Variants in ZC3H14 observed in about 807,000 individuals in gnomAD.
ZC3H14 encodes zinc finger CCCH domain-containing protein 14.
Under a neutral mutation model 92.4 loss-of-function variants are expected in ZC3H14, and 31 were observed. That is an observed-to-expected ratio of 0.34 (90% CI 0.25 to 0.45). ZC3H14 has a LOEUF of 0.45. Among genes scored for constraint, ZC3H14 ranks in the 20% least tolerant of loss-of-function variants. The pLI, the probability that ZC3H14 is intolerant of heterozygous loss-of-function variation, is 1.00. For synonymous variants in ZC3H14, 321 were observed against 300.9 expected, an observed-to-expected ratio of 1.07 and a Z score of -0.69; for missense variants, 781 against 897.3, an observed-to-expected ratio of 0.87 and a Z score of 1.66.
chr14:88,585,630 T>C (rs1352209634), intron 9 of ZC3H14, among the ~76,000 whole-genome samples: 1 of 152,124 alleles, frequency 6.6e-6, no homozygotes, highest in East Asian at 1.9e-4. Context: ...GACCTTGTTA[T>C]CTGCCCGCTT....
intron 9 of ZC3H14, among the ~76,000 whole-genome samples, chr14:88,581,630 A>G (rs1157334661): frequency 6.6e-6 from 1 of 152,204 alleles, no homozygotes; most frequent in Non-Finnish European, 1.5e-5. Flanking sequence ...GGTCTGGGGC[A>G]GGAAATGTTA....
rs1371565375 is a variant in ZC3H14, at chr14:88,622,845, C to G, written c.*11094C>G. 11 of 544,622 alleles carry G rather than the reference C, an allele frequency of 2.0e-5. No individual in the cohort carries two copies. Among genetic ancestry groups the G allele is most frequent in the Non-Finnish European group, 3.3e-5 (11 of 328,696 alleles). The allele number at this position is 544,622 out of a possible 1,614,324, so 33.7% of individuals were successfully genotyped here. A position where few individuals can be genotyped will look rare whatever the true frequency, so the allele number is the denominator to read the frequency against. ...AGGCCCTGATATTTATAATTTACCTCTAATATTCTTGTAAACTTTCTATGG... is the reference window on the plus strand; with the variant it reads ...AGGCCCTGATATTTATAATTTACCTGTAATATTCTTGTAAACTTTCTATGG... On this transcript the variant is annotated 3_prime_UTR_variant, in exon 17 of 17. Transcript: ENST00000251038.
At chr14:88,605,913 G>A (rs2140101065) in intron 12 of ZC3H14, among the ~76,000 whole-genome samples, 1 of 152,216 alleles carries the variant, frequency 6.6e-6, no homozygotes, top group African/African-American at 2.4e-5. Flanking sequence ...GTATAGATGA[G>A]GAAACAGAAT....
At chr14:88,577,219 C>T (rs967849394) in intron 8 of ZC3H14, among the ~76,000 whole-genome samples, 1 of 152,318 alleles carries the variant, frequency 6.6e-6, no homozygotes, top group African/African-American at 2.4e-5. Context: ...AAGGCGCACT[C>T]TTGACCTAAT....
intron 7 of ZC3H14, 125 bp downstream of exon 7, chr14:88,574,978 C>A: frequency 6.9e-7 from 1 of 1,455,670 alleles, no homozygotes; most frequent in Non-Finnish European, 9.3e-7. Flanking sequence ...GCTCTGTCAA[C>A]CAGGCTGGAG....
At chr14:88,609,143 G>A in intron 13 of ZC3H14, 124 bp from the exon 14 acceptor site, 1 of 1,139,028 alleles carries the variant, frequency 8.8e-7, no homozygotes, top group Non-Finnish European at 1.3e-6. Context: ...TATTCTTTTT[G>A]TTGCTGTTTT....
chr14:88,563,500 G>A (rs1011766979), intron 1 of ZC3H14, 151 bp from the exon 2 acceptor site: 2 of 1,506,664 alleles, frequency 1.3e-6, no homozygotes, highest in African/African-American at 1.4e-5. Flanking sequence ...GGGGTGCGGG[G>A]TGGGGGGCGG....
rs1403586093 is a variant in ZC3H14 at position 88,613,925 on chromosome 14, CTACT to C, written c.*2177_*2180del. 6.6e-6 allele frequency: 1 copy of C among 152,232 alleles called. No individual in the cohort carries two copies. Among genetic ancestry groups the C allele is most frequent in the African/African-American group, 2.4e-5 (1 of 41,458 alleles). The allele number at this position is 152,232 out of a possible 1,614,324, so 9.4% of individuals were successfully genotyped here. A position where few individuals can be genotyped will look rare whatever the true frequency, so the allele number is the denominator to read the frequency against. On this transcript the variant is annotated 3_prime_UTR_variant, in exon 17 of 17. Transcript: ENST00000251038. ...ATACAGCGAGGTGGTCAGCTGATGA[CTACT>C]TAGTCAATATGACCTTTAGTCGTGA...
intron 13 of ZC3H14, chr14:88,608,789 T>C (rs1282415385): frequency 1.2e-5 from 2 of 164,004 alleles, no homozygotes; most frequent in Non-Finnish European, 2.6e-5. Context: ...CTTTATGAGA[T>C]GGCTTTTTGG....
intron 1 of ZC3H14, chr14:88,563,388 G>T: frequency 6.9e-7 from 1 of 1,439,408 alleles, no homozygotes; most frequent in Non-Finnish European, 9.0e-7. Flanking sequence ...GGAAATGGAA[G>T]GACAGGCGCA....
At chr14:88,595,196 G>C in intron 9 of ZC3H14, 1 of 1,570,064 alleles carries the variant, frequency 6.4e-7, no homozygotes, top group Non-Finnish European at 8.6e-7. Flanking sequence ...CTCTGATGTG[G>C]AGGGAGCAAG....
At position 88,622,523 on chromosome 14, in the gene ZC3H14, A is replaced by G. The variant is rs1419954891; in HGVS notation, c.*10772A>G. The stretch of plus-strand genomic sequence containing the variant: ...TATGCATTATTAAGTATTGTTCATT[A>G]GGCTGCAAAGGGTGAGGGAATCACA... On this transcript the variant is annotated 3_prime_UTR_variant, in exon 17 of 17. Transcript: ENST00000251038. 2 of 1,109,342 alleles carry G rather than the reference A, an allele frequency of 1.8e-6. No homozygotes were observed. Among genetic ancestry groups the G allele is most frequent in the Non-Finnish European group, 2.5e-6 (2 of 790,850 alleles). The allele number at this position is 1,109,342 out of a possible 1,614,324, so 68.7% of individuals were successfully genotyped here. A position where few individuals can be genotyped will look rare whatever the true frequency, so the allele number is the denominator to read the frequency against.
At chr14:88,586,030 T>C (rs1214468904) in intron 9 of ZC3H14, among the ~76,000 whole-genome samples, 1 of 152,118 alleles carries the variant, frequency 6.6e-6, no homozygotes, top group Non-Finnish European at 1.5e-5. Flanking sequence ...TAGCCAGGCA[T>C]GGTGGCACAC....
In ZC3H14 at chr14:88,626,044, TTC is replaced by T. The variant is rs1403201029; in HGVS notation, c.*14295_*14296del. The T allele has an allele frequency of 6.6e-6, 1 of 152,206 alleles. No homozygotes were observed. Among genetic ancestry groups the T allele is most frequent in the Non-Finnish European group, 1.5e-5 (1 of 68,064 alleles). The allele number at this position is 152,206 out of a possible 1,614,324, so 9.4% of individuals were successfully genotyped here. On this transcript the variant is annotated 3_prime_UTR_variant, in exon 17 of 17. Transcript: ENST00000251038. ...CAGGGCCAGGAATTGTGCTATTTCC[TTC>T]TGTCTCACTACCTCCTTCTTCCCTC...
At chr14:88,603,668 A>G (rs1290980693) in intron 12 of ZC3H14, among the ~76,000 whole-genome samples, 2 of 152,180 alleles carry the variant, frequency 1.3e-5, no homozygotes, top group African/African-American at 4.8e-5. Flanking sequence ...ATTTCCATTC[A>G]TGATAGAGAA....
chr14:88,591,888 A>C (rs773114446), intron 9 of ZC3H14: 1 of 152,208 alleles, frequency 6.6e-6, no homozygotes, highest in Non-Finnish European at 1.5e-5. Flanking sequence ...GAGCCAGACT[A>C]CCGAAGGTGC....
chr14:88,572,049 T>TTC lies in ZC3H14; in HGVS notation c.257_258dup (p.Asp87LeufsTer70). On this transcript the variant is annotated frameshift_variant, in exon 5 of 17. Coordinates refer to ENST00000251038, the MANE Select transcript of ZC3H14 (RefSeq NM_024824.5). LOFTEE classifies it high-confidence loss of function. ...TTTCAGAACCCTCTAGTCTGAAGTC[T>TTC]TCTGATACCAACATCTTTGATAGTA... is the stretch of plus-strand genomic sequence containing the variant. The TTC allele has an allele frequency of 6.2e-7, 1 of 1,614,030 alleles. No homozygotes were observed. Among genetic ancestry groups the TTC allele is most frequent in the Non-Finnish European group, 8.5e-7 (1 of 1,180,036 alleles).
At chr14:88,576,389 A>G (rs377152557) in intron 8 of ZC3H14, among the ~76,000 whole-genome samples, 21 of 152,370 alleles carry the variant, frequency 1.4e-4, no homozygotes, top group East Asian at 3.9e-4. Flanking sequence ...GGCGGAACTC[A>G]TTAGTAGAAT....
chr14:88,608,703 T>C (rs566327166), intron 13 of ZC3H14: 1 of 161,284 alleles, frequency 6.2e-6, no homozygotes, highest in East Asian at 1.9e-4. Flanking sequence ...GAGGGAAAAG[T>C]TAGTTATGGG....
Sources: gnomAD v4.1 joint callset for allele counts (sites outside exome capture counted in the v4.1 genomes callset) on GRCh38, gnomAD v4.1.1 for gene constraint, MANE v1.5 for transcripts, NCBI Gene and HGNC (gene_info 2026-07-23, HGNC 2026-07-21) for gene names.